FAM117B: variants seen among roughly 807,000 people sequenced by gnomAD.
The protein encoded by FAM117B is protein FAM117B.
A neutral mutation model predicts 52.8 loss-of-function variants in FAM117B; 22 were observed. That is an observed-to-expected ratio of 0.42 (90% CI 0.30 to 0.59). FAM117B has a LOEUF of 0.59. Ranked by LOEUF, FAM117B falls within the 20% of genes least tolerant of loss-of-function variation. FAM117B has a pLI of 0.22. For synonymous variants in FAM117B, 309 were observed against 324.1 expected, an observed-to-expected ratio of 0.95 and a Z score of 0.50; for missense variants, 678 against 802.6, an observed-to-expected ratio of 0.84 and a Z score of 1.88.
rs558691850 is a variant in FAM117B at position 202,767,157 on chromosome 2, CT to C, written c.*1413del. 2,347 of 110,236 alleles carry C rather than the reference CT, an allele frequency of 0.021. 28 individuals carry two copies. Among genetic ancestry groups the C allele is most frequent in the Middle Eastern group, 0.04 (8 of 202 alleles). The allele number at this position is 110,236 out of a possible 1,614,324, so 6.8% of individuals were successfully genotyped here. On this transcript the variant is annotated 3_prime_UTR_variant, in exon 8 of 8. Transcript: ENST00000392238. ...ATGTGGTAGTGAGATTAAGGAGCAG[CT>C]TTTTTTTTTTTTTTTTTTTGAGACG...
At chr2:202,694,959 T>C (rs1690689008) in intron 1 of FAM117B, among the ~76,000 whole-genome samples, 1 of 152,212 alleles carries the variant, frequency 6.6e-6, no homozygotes, top group Non-Finnish European at 1.5e-5. Context: ...TATTTTATAT[T>C]TTCCCATGAT....
intron 4 of FAM117B, among the ~76,000 whole-genome samples, chr2:202,751,538 G>A (rs537723179): frequency 6.6e-6 from 1 of 152,250 alleles, no homozygotes; most frequent in African/African-American, 2.4e-5. Context: ...GGAGGTCCAG[G>A]TGGTGGATCA....
In FAM117B at chr2:202,635,722, A is replaced by G; in HGVS notation, c.535A>G (p.Arg179Gly). 1 of 1,441,602 alleles carries G rather than the reference A, an allele frequency of 6.9e-7. No homozygotes were observed. Among genetic ancestry groups the G allele is most frequent in the Non-Finnish European group, 9.1e-7 (1 of 1,098,886 alleles). 89.3% of individuals were successfully genotyped at this position (1,441,602 alleles called of 1,614,324 possible). ...CCCAGCCCGCGTCCGGCATCGGAGG[A>G]GGTCTCCGGAGCAGAGCCGAAGCTC... ...PPPARVRHRR[R>G]SPEQSRSSPE... Residue 179 changes from arginine to glycine, a missense_variant, in exon 1 of 8, where the codon AGG becomes GGG. Physicochemically the swap from Arg to Gly is moderately radical, Grantham distance 125 (BLOSUM62 -2). Around this residue, in one of 3 missense-constraint regions of FAM117B, gnomAD observed 583 missense variants for 644.8 expected, o/e 0.90. Transcript: ENST00000392238.
chr2:202,702,316 G>A (rs1372488260), intron 2 of FAM117B, among the ~76,000 whole-genome samples: 2 of 152,078 alleles, frequency 1.3e-5, no homozygotes, highest in African/African-American at 2.4e-5. Context: ...GCTTGAACCC[G>A]GGAGGCAGAG....
At chr2:202,650,145 C>G (rs1002452299) in intron 1 of FAM117B, among the ~76,000 whole-genome samples, 4 of 151,962 alleles carry the variant, frequency 2.6e-5, no homozygotes, top group Admixed American at 6.6e-5. Context: ...CTACTATTTT[C>G]AGCAGCCTTA....
At position 202,740,173 on chromosome 2, in the gene FAM117B, C is replaced by CAAAAAAAAAAAAAAAAAA. The variant is rs1358404767; in HGVS notation, c.960+13810_960+13811insAAAAAAAAAAAAAAAAAA. ...GGAGGACAGAGCGAGACTTCATCCC[C>CAAAAAAAAAAAAAAAAAA]CAAAAAAAAAAAAAAAAAAAAAAAA... On this transcript the variant is annotated intron_variant, in intron 4 of 7. Coordinates refer to ENST00000392238, the MANE Select transcript of FAM117B (RefSeq NM_173511.4). 2.9e-5 allele frequency among the ~76,000 whole-genome samples: 2 copies of CAAAAAAAAAAAAAAAAAA among 69,672 alleles called. 1 individual carries two copies. Among genetic ancestry groups the CAAAAAAAAAAAAAAAAAA allele is most frequent in the Non-Finnish European group, 5.2e-5 (2 of 38,672 alleles). 45.7% of individuals were successfully genotyped at this position (69,672 alleles called of 152,430 possible).
intron 1 of FAM117B, among the ~76,000 whole-genome samples, chr2:202,661,733 T>A (rs938208194): frequency 9.9e-5 from 15 of 151,984 alleles, no homozygotes; most frequent in African/African-American, 3.6e-4. Flanking sequence ...CTGGCCAACA[T>A]GGCAAAACCC....
chr2:202,638,614 C>CT (rs1262007699), intron 1 of FAM117B, among the ~76,000 whole-genome samples: 10 of 152,062 alleles, frequency 6.6e-5, no homozygotes, highest in Non-Finnish European at 1.3e-4. Flanking sequence ...AATAAAAACT[C>CT]TTATTTCTCA....
At chr2:202,665,604 T>TTTG (rs1257083052) in intron 1 of FAM117B, among the ~76,000 whole-genome samples, 2 of 151,980 alleles carry the variant, frequency 1.3e-5, no homozygotes, top group African/African-American at 2.4e-5. Context: ...AAATCCTCTT[T>TTTG]TTGTTGTTGT....
rs1225600973 is a variant in FAM117B, at chr2:202,647,973, C to G, written c.601+12185C>G. Among the ~76,000 whole-genome samples, 3 of 152,132 alleles carry G rather than the reference C, an allele frequency of 2.0e-5. No individual in the cohort carries two copies. In the East Asian group the frequency reaches 5.8e-4, roughly 29 times the overall value. On this transcript the variant is annotated intron_variant, in intron 1 of 7. Coordinates refer to ENST00000392238, the MANE Select transcript of FAM117B (RefSeq NM_173511.4). ...GGCTGCTGCTTGGAGTCTTCGCCCT[C>G]AAGGAACTAACTCTGTAATTGTATG... is the stretch of plus-strand genomic sequence containing the variant.
chr2:202,734,806 T>C (rs1691414603), intron 4 of FAM117B, among the ~76,000 whole-genome samples: 1 of 152,228 alleles, frequency 6.6e-6, no homozygotes, highest in Non-Finnish European at 1.5e-5. Flanking sequence ...ACAGACTTGG[T>C]TTCCTTGCCA....
At chr2:202,675,242 A>C (rs1690360029) in intron 1 of FAM117B, among the ~76,000 whole-genome samples, 1 of 151,516 alleles carries the variant, frequency 6.6e-6, no homozygotes, top group Admixed American at 6.6e-5. Flanking sequence ...AAAAAAAACA[A>C]CAACAAAAAG....
At chr2:202,650,204 G>A (rs1484406902) in intron 1 of FAM117B, among the ~76,000 whole-genome samples, 1 of 152,110 alleles carries the variant, frequency 6.6e-6, no homozygotes, top group African/African-American at 2.4e-5. Flanking sequence ...GAATGAAAAA[G>A]GGTTTATTTA....
chr2:202,673,270 G>A (rs1315300422), intron 1 of FAM117B, among the ~76,000 whole-genome samples: 1 of 152,070 alleles, frequency 6.6e-6, no homozygotes, highest in Admixed American at 6.6e-5. Context: ...AACTGAAGCA[G>A]TGTGAACTTT....
chr2:202,679,081 G>A (rs1257034870), intron 1 of FAM117B, among the ~76,000 whole-genome samples: 1 of 152,192 alleles, frequency 6.6e-6, no homozygotes, highest in Non-Finnish European at 1.5e-5. Flanking sequence ...GACATGAAGA[G>A]ACTTCTATTT....
chr2:202,654,043 G>A (rs1316137815), intron 1 of FAM117B, among the ~76,000 whole-genome samples: 1 of 150,436 alleles, frequency 6.6e-6, no homozygotes, highest in South Asian at 2.1e-4. Flanking sequence ...GCCTGGAGGG[G>A]GTGCGGGAAG....
At chr2:202,715,526 C>T (rs1402000653) in intron 2 of FAM117B, among the ~76,000 whole-genome samples, 9 of 151,764 alleles carry the variant, frequency 5.9e-5, no homozygotes, top group South Asian at 2.1e-4. Flanking sequence ...AGACGATGGG[C>T]GGCCGGGCAG....
In FAM117B at chr2:202,635,534, C is replaced by T. The variant is rs1689667802; in HGVS notation, c.347C>T (p.Ser116Phe). The change falls in exon 1 of 8, where the codon TCC becomes TTC. Residue 116 changes from serine (S) to phenylalanine (F), a missense_variant. Around this residue, in one of 3 missense-constraint regions of FAM117B, gnomAD observed 583 missense variants for 644.8 expected, o/e 0.90. Transcript: ENST00000392238. ...SPTVATQTGA[S>F]ATSTRGTSPT... is the part of the protein sequence containing the mutation. ...ACGGTGGCCACGCAGACGGGCGCGT[C>T]CGCGACGTCCACGCGAGGCACCAGC... The T allele has an allele frequency of 8.6e-7, 1 of 1,157,536 alleles. No individual in the cohort carries two copies. Among genetic ancestry groups the T allele is most frequent in the East Asian group, 4.1e-5 (1 of 24,268 alleles). 71.7% of individuals were successfully genotyped at this position (1,157,536 alleles called of 1,614,324 possible). A position where few individuals can be genotyped will look rare whatever the true frequency, so the allele number is the denominator to read the frequency against.
chr2:202,717,112 G>A (rs1171575734), intron 2 of FAM117B, among the ~76,000 whole-genome samples: 1 of 152,170 alleles, frequency 6.6e-6, no homozygotes, highest in Non-Finnish European at 1.5e-5. Context: ...TTTATTGTAG[G>A]TCTTTGTAGT....
Sources: allele counts gnomAD v4.1 joint callset (sites outside exome capture counted in the v4.1 genomes callset), GRCh38; gene constraint gnomAD v4.1.1; regional missense constraint gnomAD v4.1.1; transcripts MANE v1.5; gene names NCBI Gene and HGNC (gene_info 2026-07-23, HGNC 2026-07-21).